Variants in ANK3 observed in about 807,000 individuals in gnomAD.
ANK3 encodes ankyrin-3.
ANK3 carries 57 observed loss-of-function variants against 370.9 expected under a neutral mutation model. The ratio of observed to expected loss-of-function variants is 0.15; its 90% confidence interval spans 0.12 to 0.19. The LOEUF is 0.19. ANK3 is among the 10% of genes least tolerant of loss of function. The pLI is 1.00. For synonymous variants in ANK3, 1,929 were observed against 1,946.3 expected (o/e 0.99, Z 0.23); for missense variants, 4,439 against 5,302.1 (o/e 0.84, Z 5.06).
intron 1 of ANK3, among the ~76,000 whole-genome samples, chr10:60,689,366 T>C (rs996699726): frequency 5.3e-5 from 8 of 152,102 alleles, no homozygotes; most frequent in African/African-American, 1.9e-4. Flanking sequence ...GCCACTGCAG[T>C]GCAGCCTGAG....
chr10:60,402,268 A>G (rs751230373), intron 2 of ANK3, among the ~76,000 whole-genome samples: 4 of 152,182 alleles, frequency 2.6e-5, no homozygotes, highest in Non-Finnish European at 4.4e-5. Context: ...ACCAAAATAA[A>G]TGATTTATAA....
At chr10:60,213,373 A>C (rs1355340992) in intron 9 of ANK3, 39 bp downstream of exon 9, 1 of 1,413,992 alleles carries the variant, frequency 7.1e-7, no homozygotes, top group African/African-American at 1.4e-5. Flanking sequence ...CCATCAAAAT[A>C]AATACAGTCC....
chr10:60,576,667 A>G (rs1219678999), intron 2 of ANK3, among the ~76,000 whole-genome samples: 2 of 152,258 alleles, frequency 1.3e-5, no homozygotes, highest in Admixed American at 6.5e-5. Context: ...AATAGTTACT[A>G]AATCTTACTA....
At chr10:60,267,880 A>T (rs1315342850) in intron 5 of ANK3, among the ~76,000 whole-genome samples, 2 of 152,228 alleles carry the variant, frequency 1.3e-5, no homozygotes, top group African/African-American at 4.8e-5. Context: ...TCTCTTAACC[A>T]ACAGTCTCTG....
chr10:60,680,825 T>C (rs929081437), intron 1 of ANK3, among the ~76,000 whole-genome samples: 3 of 152,146 alleles, frequency 2.0e-5, no homozygotes, highest in Non-Finnish European at 4.4e-5. Context: ...TCTGGCTATG[T>C]GGGGAGGTTG....
chr10:60,069,469 A>T lies in ANK3; in HGVS notation c.11412T>A (p.Ser3804Arg). The change falls in exon 37 of 44, where the codon AGT becomes AGA. Residue 3804 changes from serine to arginine, a missense_variant. Ser to Arg is a moderately radical substitution (Grantham distance 110). This residue lies in a region of ANK3 where 496 missense variants were observed against 529.3 expected (regional missense o/e 0.94). Transcript: ENST00000280772. ...SSTIQTDNIM[S>R]NIVLTEHSAP... is the part of the protein sequence containing the mutation. ...CAGAATGTTCTGTCAGAACTATATT[A>T]CTCATAATGTTATCTGTCTGTATAG... is the stretch of plus-strand genomic sequence containing the variant. 2 of 1,613,158 alleles carry T rather than the reference A, an allele frequency of 1.2e-6. No individual in the cohort carries two copies. The highest frequency in any genetic ancestry group is 1.7e-6 in the Non-Finnish European group (2 of 1,179,670).
At chr10:60,056,322 A>G (rs2079158287) in intron 41 of ANK3, among the ~76,000 whole-genome samples, 1 of 152,140 alleles carries the variant, frequency 6.6e-6, no homozygotes, top group Non-Finnish European at 1.5e-5. Flanking sequence ...TACTAAAATT[A>G]GCCAGGCGTG....
At chr10:60,516,064 GGAATTGT>G (rs2076210549) in intron 2 of ANK3, among the ~76,000 whole-genome samples, 1 of 151,908 alleles carries the variant, frequency 6.6e-6, no homozygotes, top group African/African-American at 2.4e-5. Flanking sequence ...TAATAAATAG[GGAATTGT>G]GATCCCTATT....
intron 40 of ANK3, 118 bp from the exon 41 acceptor site, chr10:60,059,548 G>C (rs569412641): frequency 8.1e-7 from 1 of 1,233,102 alleles, no homozygotes; most frequent in Admixed American, 1.7e-5. Flanking sequence ...TCCTCAAATA[G>C]AGATTTGAGT....
At chr10:60,431,096 T>C (rs985031537) in intron 2 of ANK3, among the ~76,000 whole-genome samples, 6 of 152,230 alleles carry the variant, frequency 3.9e-5, no homozygotes, top group African/African-American at 1.4e-4. Flanking sequence ...TTTGTTTCTA[T>C]TATTAATACA....
At chr10:60,700,578 C>G (rs1258415737) in intron 1 of ANK3, among the ~76,000 whole-genome samples, 1 of 152,098 alleles carries the variant, frequency 6.6e-6, no homozygotes, top group African/African-American at 2.4e-5. Context: ...AACATATTAT[C>G]AAGTCTCTAA....
chr10:60,123,170 GA>G (rs2093591678), intron 25 of ANK3, among the ~76,000 whole-genome samples: 1 of 152,094 alleles, frequency 6.6e-6, no homozygotes, highest in Non-Finnish European at 1.5e-5. Context: ...CTATGTTAAA[GA>G]AAAATTCACA....
intron 23 of ANK3, among the ~76,000 whole-genome samples, chr10:60,145,434 AAAC>A (rs2132230456): frequency 6.6e-6 from 1 of 152,322 alleles, no homozygotes; most frequent in Admixed American, 6.5e-5. Context: ...GAGGAAATGA[AAAC>A]TATTGGGAAA....
intron 7 of ANK3, among the ~76,000 whole-genome samples, chr10:60,245,669 T>C (rs913693561): frequency 5.9e-5 from 9 of 152,234 alleles, no homozygotes; most frequent in Admixed American, 1.3e-4. Context: ...GTAGTACTTA[T>C]CAGTACTTTA....
chr10:60,324,599 A>C (rs1237092061), intron 1 of ANK3, among the ~76,000 whole-genome samples: 2 of 152,142 alleles, frequency 1.3e-5, no homozygotes, highest in Non-Finnish European at 2.9e-5. Flanking sequence ...GTAAATGGCC[A>C]GTCAGCTGCA....
intron 1 of ANK3, among the ~76,000 whole-genome samples, chr10:60,362,131 T>C (rs2058705388): frequency 6.6e-6 from 1 of 151,340 alleles, no homozygotes; most frequent in Admixed American, 6.6e-5. Context: ...ATGTCCTATG[T>C]GGTCACTTTT....
At chr10:60,397,337 A>C (rs1013107717) in intron 2 of ANK3, among the ~76,000 whole-genome samples, 2 of 152,196 alleles carry the variant, frequency 1.3e-5, no homozygotes, top group African/African-American at 2.4e-5. Context: ...TCTAACAAAA[A>C]GACATCTTAT....
At chr10:60,251,029 G>C (rs2097655905) in intron 7 of ANK3, among the ~76,000 whole-genome samples, 1 of 152,114 alleles carries the variant, frequency 6.6e-6, no homozygotes, top group Non-Finnish European at 1.5e-5. Context: ...AGCTCCACTA[G>C]TTTGTGTGGC....
intron 2 of ANK3, chr10:60,572,500 C>T: frequency 6.5e-7 from 1 of 1,535,828 alleles, no homozygotes; most frequent in Non-Finnish European, 8.7e-7. Flanking sequence ...GCAGGTTTTG[C>T]ATTTTTCTCC....
Sources: gnomAD v4.1 joint callset for allele counts (sites outside exome capture counted in the v4.1 genomes callset) on GRCh38, gnomAD v4.1.1 for gene constraint, gnomAD v4.1.1 regional missense constraint, MANE v1.5 for transcripts, NCBI Gene and HGNC (gene_info 2026-07-23, HGNC 2026-07-21) for gene names.